Variants in SPRED2 observed in about 807,000 individuals in gnomAD.
SPRED2 encodes sprouty-related, EVH1 domain-containing protein 2.
In SPRED2, 47 loss-of-function variants were observed where a neutral mutation model predicts 43.0. The ratio of observed to expected loss-of-function variants is 1.09; its 90% confidence interval spans 0.87 to 1.40. The LOEUF (loss-of-function observed/expected upper bound fraction) is 1.40. Ranked by LOEUF, SPRED2 falls within the 40% of genes most tolerant of loss-of-function variation. The pLI is 0.00. For synonymous variants in SPRED2, 225 were observed against 225.7 expected, an observed-to-expected ratio of 1.00 and a Z score of 0.03; for missense variants, 561 against 586.4, an observed-to-expected ratio of 0.96 and a Z score of 0.45.
chr2:65,327,442 AT>A (rs2104180498), intron 4 of SPRED2, among the ~76,000 whole-genome samples: 1 of 152,326 alleles, frequency 6.6e-6, no homozygotes, highest in East Asian at 1.9e-4. Flanking sequence ...CAAAGCTTTT[AT>A]TTAGATCCTT....
At chr2:65,343,602 A>G (rs1052185651) in intron 2 of SPRED2, among the ~76,000 whole-genome samples, 14 of 152,196 alleles carry the variant, frequency 9.2e-5, no homozygotes, top group African/African-American at 3.1e-4. Flanking sequence ...ATTCTGAATC[A>G]TCTGTTGGCT....
chr2:65,308,699 T>C (rs1672990861), downstream of SPRED2: 1 of 430,946 alleles, frequency 2.3e-6, no homozygotes, highest in Non-Finnish European at 3.1e-6. Context: ...TCCCACTTGT[T>C]AAATCTGAGA....
rs980909094 is a variant in SPRED2, at chr2:65,313,076, G to C, written c.*425C>G. The C allele has an allele frequency of 3.5e-5, 35 of 989,372 alleles. No homozygotes were observed. Among genetic ancestry groups the C allele is most frequent in the Non-Finnish European group, 3.8e-5 (32 of 832,898 alleles). The allele number at this position is 989,372 out of a possible 1,614,324, so 61.3% of individuals were successfully genotyped here. ...CAGGCAAGGTGAACCAAGAGAAAGA[G>C]AGTCTTCGACGCTCTTGGAAAAATC... On this transcript the variant is annotated 3_prime_UTR_variant, in exon 6 of 6. Coordinates refer to ENST00000356388, the MANE Select transcript of SPRED2 (RefSeq NM_181784.3).
intron 1 of SPRED2, among the ~76,000 whole-genome samples, chr2:65,363,828 T>C (rs1401246079): frequency 1.3e-5 from 2 of 152,240 alleles, no homozygotes; most frequent in African/African-American, 2.4e-5. Flanking sequence ...AAAATGTTTA[T>C]TGAATTCGTA....
intron 1 of SPRED2, among the ~76,000 whole-genome samples, chr2:65,369,388 A>AATCCCC (rs1315498277): frequency 6.6e-6 from 1 of 152,176 alleles, no homozygotes; most frequent in African/African-American, 2.4e-5. Context: ...TTGACCACAG[A>AATCCCC]ATCCCCACCC....
At chr2:65,410,962 G>C (rs943106111) in intron 1 of SPRED2, among the ~76,000 whole-genome samples, 1 of 152,188 alleles carries the variant, frequency 6.6e-6, no homozygotes, top group African/African-American at 2.4e-5. Flanking sequence ...GTCATGGTCT[G>C]CACAGAAGGA....
chr2:65,414,676 T>C (rs1676232697), intron 1 of SPRED2, among the ~76,000 whole-genome samples: 1 of 152,172 alleles, frequency 6.6e-6, no homozygotes, highest in African/African-American at 2.4e-5. Context: ...ATTAGTACTA[T>C]AGAAAGTAAT....
chr2:65,415,271 T>C (rs1676247405), intron 1 of SPRED2, among the ~76,000 whole-genome samples: 1 of 152,206 alleles, frequency 6.6e-6, no homozygotes. Flanking sequence ...TTCCCCACAT[T>C]TGCATGCAGT....
intron 1 of SPRED2, chr2:65,366,667 C>G: frequency 6.5e-7 from 1 of 1,542,582 alleles, no homozygotes; most frequent in Non-Finnish European, 8.7e-7. Context: ...ATAAAGCTTC[C>G]GATAAAAATG....
At chr2:65,396,762 A>G (rs946718203) in intron 1 of SPRED2, among the ~76,000 whole-genome samples, 1 of 152,226 alleles carries the variant, frequency 6.6e-6, no homozygotes, top group Non-Finnish European at 1.5e-5. Flanking sequence ...GCCTCCCCAG[A>G]GCCAAGGGTG....
intron 1 of SPRED2, among the ~76,000 whole-genome samples, chr2:65,414,740 T>C (rs1676234690): frequency 1.3e-5 from 2 of 152,228 alleles, no homozygotes; most frequent in African/African-American, 4.8e-5. Flanking sequence ...CTTTGGCCAT[T>C]ACTGGAGTAA....
At chr2:65,330,162 T>C (rs1160892296) in intron 4 of SPRED2, among the ~76,000 whole-genome samples, 1 of 152,254 alleles carries the variant, frequency 6.6e-6, no homozygotes, top group African/African-American at 2.4e-5. Flanking sequence ...GTCTCATTTC[T>C]GCAAACCATC....
intron 1 of SPRED2, among the ~76,000 whole-genome samples, chr2:65,404,549 C>T (rs985942320): frequency 6.6e-6 from 1 of 152,122 alleles, no homozygotes; most frequent in South Asian, 2.1e-4. Context: ...CATACTATAC[C>T]CTATTCATTC....
chr2:65,313,912 G>A lies in SPRED2; in HGVS notation c.846C>T (p.Gly282=), dbSNP rs1384024714. 6.2e-7 allele frequency: 1 copy of A among 1,610,696 alleles called. No homozygotes were observed. Among genetic ancestry groups the A allele is most frequent in the South Asian group, 1.1e-5 (1 of 91,084 alleles). ...GCGTCTTGATCACGCTGCCCCCGCG[G>A]CCTTTGGGGTCCTCGCCTAGGCCAA... ...SDFGLGEDPK[G]RGGSVIKTQP... is the part of the protein sequence containing the mutation. Residue 282 remains glycine, a synonymous_variant, in exon 6 of 6, where the codon GGC becomes GGT. Transcript: ENST00000356388.
At chr2:65,338,170 GTCTCCCGTCTCCC>G (rs767042613) in intron 2 of SPRED2, among the ~76,000 whole-genome samples, 716 of 41,228 alleles carry the variant, frequency 0.017, 71 homozygotes, top group East Asian at 0.13. Flanking sequence ...TCCCTCTCCC[GTCTCCCGTCTCCC>G]TCTCCCTCTC....
downstream of SPRED2, among the ~76,000 whole-genome samples, chr2:65,309,338 G>GAA (rs1470708553): frequency 6.6e-6 from 1 of 151,250 alleles, no homozygotes; most frequent in Admixed American, 6.6e-5. Flanking sequence ...CCATCTCTAT[G>GAA]AAAAAAATTT....
At chr2:65,411,215 G>C (rs1676150983) in intron 1 of SPRED2, among the ~76,000 whole-genome samples, 1 of 152,178 alleles carries the variant, frequency 6.6e-6, no homozygotes, top group Non-Finnish European at 1.5e-5. Context: ...ATCTTTTGAG[G>C]AATTACTTTG....
At chr2:65,379,313 G>A (rs1178732981) in intron 1 of SPRED2, among the ~76,000 whole-genome samples, 2 of 152,088 alleles carry the variant, frequency 1.3e-5, no homozygotes, top group Non-Finnish European at 2.9e-5. Flanking sequence ...GTTTTAAGAG[G>A]CTGAGGGGTC....
intron 1 of SPRED2, among the ~76,000 whole-genome samples, chr2:65,416,598 A>G (rs1676280657): frequency 6.6e-6 from 1 of 152,200 alleles, no homozygotes; most frequent in South Asian, 2.1e-4. Context: ...CTGGAAGCCC[A>G]AGAGAAGGAA....
Sources: gnomAD v4.1 joint callset for allele counts (sites outside exome capture counted in the v4.1 genomes callset) on GRCh38, gnomAD v4.1.1 for gene constraint, MANE v1.5 for transcripts, NCBI Gene and HGNC (gene_info 2026-07-23, HGNC 2026-07-21) for gene names.